Variants in SLC14A2 observed in about 807,000 individuals in gnomAD.
The protein encoded by SLC14A2 is solute carrier family 14 member 2, also known as urea transporter 2.
Under a neutral mutation model 104.6 loss-of-function variants are expected in SLC14A2, and 91 were observed. The ratio of observed to expected loss-of-function variants is 0.87; its 90% CI spans 0.73 to 1.04. The LOEUF (loss-of-function observed/expected upper bound fraction) is 1.04, where lower values mean the gene tolerates loss of function less well. Ranked by LOEUF, SLC14A2 falls within the 50% of genes least tolerant of loss-of-function variation. The probability of loss-of-function intolerance (pLI) is 0.00; values close to 1 mark genes in which losing one functional copy is unlikely to be tolerated. For synonymous variants in SLC14A2, 476 were observed against 466.4 expected (o/e 1.02, Z -0.27); for missense variants, 1,189 against 1,156.0 (o/e 1.03, Z -0.41).
At chr18:45,556,982 G>A (rs2044140856) in intron 2 of SLC14A2, among the ~76,000 whole-genome samples, 1 of 152,198 alleles carries the variant, frequency 6.6e-6, no homozygotes. Context: ...TAACAGATCT[G>A]CAAATCTGAG....
At chr18:45,400,796 A>G (rs2086087571) in intron 1 of SLC14A2, among the ~76,000 whole-genome samples, 1 of 152,118 alleles carries the variant, frequency 6.6e-6, no homozygotes, top group Admixed American at 6.6e-5. Flanking sequence ...GTTTATATCA[A>G]TGCTTACTCA....
At chr18:45,202,538 G>A in the SLC14A2 span, among the ~76,000 whole-genome samples, 9 of 151,960 alleles carry the variant, frequency 5.9e-5, no homozygotes, top group South Asian at 4.2e-4. Flanking sequence ...TTTTTGTTTC[G>A]TTTTGTGATA....
At chr18:45,515,161 A>AT (rs2043420737) in intron 2 of SLC14A2, among the ~76,000 whole-genome samples, 1 of 152,220 alleles carries the variant, frequency 6.6e-6, no homozygotes, top group Non-Finnish European at 1.5e-5. Context: ...TAGTTTGTGG[A>AT]TAAATATTTG....
At chr18:45,676,963 C>T (rs1015804523) in intron 18 of SLC14A2, among the ~76,000 whole-genome samples, 4 of 152,184 alleles carry the variant, frequency 2.6e-5, no homozygotes, top group Non-Finnish European at 5.9e-5. Flanking sequence ...CAGTTAGGCC[C>T]TTTTCCAACA....
intron 2 of SLC14A2, among the ~76,000 whole-genome samples, chr18:45,586,239 C>A (rs1323060369): frequency 6.6e-6 from 1 of 152,100 alleles, no homozygotes; most frequent in African/African-American, 2.4e-5. Context: ...CTGAGGAGAC[C>A]TCAGTGAAGT....
At chr18:45,528,679 A>C (rs2043635432) in intron 2 of SLC14A2, 2 of 152,158 alleles carry the variant, frequency 1.3e-5, no homozygotes, top group Admixed American at 6.6e-5. Context: ...ACACAGATGA[A>C]CAAGCCCTGA....
At chr18:45,527,774 C>CT (rs1445912132) in intron 2 of SLC14A2, 1 of 152,128 alleles carries the variant, frequency 6.6e-6, no homozygotes, top group African/African-American at 2.4e-5. Flanking sequence ...TTTTTAAGTG[C>CT]TTTACAAATC....
intron 2 of SLC14A2, among the ~76,000 whole-genome samples, chr18:45,610,389 C>T (rs1329667531): frequency 3.9e-5 from 6 of 152,180 alleles, no homozygotes; most frequent in Admixed American, 3.9e-4. Context: ...ACCTAGGGAG[C>T]TTTTAAAAAT....
Position 45,627,113 on chromosome 18 carries a change from T to C in SLC14A2, c.487T>C (p.Ser163Pro). 1.9e-6 allele frequency: 3 copies of C among 1,614,184 alleles called. No homozygotes were observed. Among genetic ancestry groups the C allele is most frequent in the Non-Finnish European group, 2.5e-6 (3 of 1,180,028 alleles). Residue 163 changes from serine to proline, a missense_variant, in exon 4 of 20, where the codon TCG becomes CCG. By Grantham distance (74) the Ser-to-Pro change is moderately conservative. Coordinates refer to ENST00000255226, the MANE Select transcript of SLC14A2 (RefSeq NM_007163.4). ...TITGGLGTVV[S>P]TLTALALGQD... ...CACTGGGGGCCTGGGGACAGTGGTCTCGACCTTAACAGCTCTCGCCTTGGG... is the reference window on the plus strand; with the variant it reads ...CACTGGGGGCCTGGGGACAGTGGTCCCGACCTTAACAGCTCTCGCCTTGGG...
intron 1 of SLC14A2, among the ~76,000 whole-genome samples, chr18:45,394,630 G>T (rs1209524057): frequency 2.0e-5 from 3 of 152,126 alleles, no homozygotes; most frequent in Non-Finnish European, 4.4e-5. Flanking sequence ...TCATATACAT[G>T]TTGGCTATTT....
intron 1 of SLC14A2, among the ~76,000 whole-genome samples, chr18:45,361,030 C>A (rs1199798166): frequency 6.6e-5 from 10 of 152,148 alleles, no homozygotes. Context: ...ATGGACAGGA[C>A]CCGTATCCGT....
intron 1 of SLC14A2, among the ~76,000 whole-genome samples, chr18:45,441,634 C>CA (rs1402739336): frequency 6.6e-6 from 1 of 152,212 alleles, no homozygotes; most frequent in Non-Finnish European, 1.5e-5. Context: ...CATGCCCATA[C>CA]ATGTGTGTTT....
intron 1 of SLC14A2, among the ~76,000 whole-genome samples, chr18:45,369,026 T>G (rs2247327): frequency 0.44 from 66,463 of 151,860 alleles, 18,685 homozygotes; most frequent in African/African-American, 0.81. Flanking sequence ...TGAATGAGTG[T>G]TTTCAACCAG....
intron 1 of SLC14A2, among the ~76,000 whole-genome samples, chr18:45,387,889 A>G (rs1360268677): frequency 1.3e-5 from 2 of 152,124 alleles, no homozygotes; most frequent in African/African-American, 4.8e-5. Flanking sequence ...GGCTTTGTCC[A>G]TAGGGCAGAC....
intron 2 of SLC14A2, among the ~76,000 whole-genome samples, chr18:45,552,567 A>T (rs570940643): frequency 6.6e-6 from 1 of 152,356 alleles, no homozygotes; most frequent in South Asian, 2.1e-4. Flanking sequence ...TGGTGGGAAA[A>T]TACAAACAAA....
At chr18:45,339,134 G>A (rs145303351) in intron 1 of SLC14A2, among the ~76,000 whole-genome samples, 1 of 152,086 alleles carries the variant, frequency 6.6e-6, no homozygotes, top group Non-Finnish European at 1.5e-5. Flanking sequence ...TTATTTGTTT[G>A]TTTGTTTTTA....
At chr18:45,452,148 G>C (rs1004293061) in intron 1 of SLC14A2, among the ~76,000 whole-genome samples, 1 of 152,194 alleles carries the variant, frequency 6.6e-6, no homozygotes, top group Non-Finnish European at 1.5e-5. Flanking sequence ...GTTCTGATTT[G>C]ATCCTGGATG....
At chr18:45,655,512 G>T (rs1568316525) in intron 10 of SLC14A2, among the ~76,000 whole-genome samples, 1 of 152,190 alleles carries the variant, frequency 6.6e-6, no homozygotes, top group Non-Finnish European at 1.5e-5. Context: ...TGCCTGATTG[G>T]TATTGGCTTT....
intron 1 of SLC14A2, among the ~76,000 whole-genome samples, chr18:45,299,397 G>A (rs2084946273): frequency 6.6e-6 from 1 of 152,220 alleles, no homozygotes; most frequent in Admixed American, 6.5e-5. Context: ...AAAGCCAGGG[G>A]TGCACACACA....
Sources: gnomAD v4.1 joint callset for allele counts (sites outside exome capture counted in the v4.1 genomes callset) on GRCh38, gnomAD v4.1.1 for gene constraint, MANE v1.5 for transcripts, NCBI Gene and HGNC (gene_info 2026-07-23, HGNC 2026-07-21) for gene names.